SPAG9: variants seen among roughly 807,000 people sequenced by gnomAD.
SPAG9 encodes the protein C-Jun-amino-terminal kinase-interacting protein 4.
Under a neutral mutation model 166.5 loss-of-function variants are expected in SPAG9, and 35 were observed. That is an observed-to-expected ratio of 0.21 (90% CI 0.16 to 0.28). The LOEUF is 0.28. Ranked by LOEUF, SPAG9 falls within the 10% of genes least tolerant of loss-of-function variation. The pLI, the probability that SPAG9 is intolerant of heterozygous loss-of-function variation, is 1.00. For synonymous variants in SPAG9, 534 were observed against 565.5 expected (o/e 0.94, Z 0.79); for missense variants, 1,235 against 1,603.3 (o/e 0.77, Z 3.92).
intron 2 of SPAG9, among the ~76,000 whole-genome samples, chr17:51,070,203 A>C (rs1294225942): frequency 6.6e-6 from 1 of 152,220 alleles, no homozygotes; most frequent in Non-Finnish European, 1.5e-5. Context: ...CAATGGCTCT[A>C]TACTCAGGGA....
At chr17:51,084,083 C>T (rs2048242941) in intron 1 of SPAG9, 1 of 152,030 alleles carries the variant, frequency 6.6e-6, no homozygotes, top group African/African-American at 2.4e-5. Flanking sequence ...ATAAATCATT[C>T]ATTCATTCAA....
chr17:50,986,066 T>C (rs560667300), intron 22 of SPAG9, among the ~76,000 whole-genome samples: 1 of 152,362 alleles, frequency 6.6e-6, no homozygotes, highest in African/African-American at 2.4e-5. Context: ...CAAAACTCTT[T>C]TTTTGAATTG....
intron 6 of SPAG9, among the ~76,000 whole-genome samples, chr17:51,022,659 T>TAAC (rs1555642868): frequency 3.3e-5 from 5 of 150,830 alleles, no homozygotes; most frequent in South Asian, 4.2e-4. Context: ...ATAATAATAA[T>TAAC]AACAATAGGC....
chr17:50,979,817 C>T lies in SPAG9; in HGVS notation c.3338G>A (p.Arg1113His), dbSNP rs1283423662. 8 of 1,614,058 alleles carry T rather than the reference C, an allele frequency of 5.0e-6. No homozygotes were observed. The highest frequency in any genetic ancestry group is 1.7e-5 in the Admixed American group (1 of 59,998). ...WVSIRLDSTL[R>H]LYHAHTYQHL... ...TTGATAAGTGTGTGCATGATAGAGACGGAGCGTAGAATCCAAGCGAATGGA... is the reference window on the plus strand; with the variant it reads ...TTGATAAGTGTGTGCATGATAGAGATGGAGCGTAGAATCCAAGCGAATGGA... Residue 1113 changes from arginine (R) to histidine (H), a missense_variant, in exon 26 of 30, where the codon CGT becomes CAT. Around this residue, in one of 6 missense-constraint regions of SPAG9, gnomAD observed 243 missense variants for 358.6 expected, o/e 0.68. Transcript: ENST00000262013.
intron 1 of SPAG9, among the ~76,000 whole-genome samples, chr17:51,098,515 G>A (rs937501562): frequency 4.0e-5 from 6 of 151,880 alleles, no homozygotes; most frequent in Admixed American, 6.6e-5. Flanking sequence ...TATTTGAGAC[G>A]GAGTTTCGCT....
chr17:51,096,038 G>GATATATATATAGTGAT (rs2048635885), intron 1 of SPAG9, among the ~76,000 whole-genome samples: 3 of 92,632 alleles, frequency 3.2e-5, no homozygotes, highest in African/African-American at 1.2e-4. Context: ...TATATATAGT[G>GATATATATATAGTGAT]ATATATATAT....
At chr17:50,976,620 T>C (rs1974226779) in intron 27 of SPAG9, 2 of 153,388 alleles carry the variant, frequency 1.3e-5, no homozygotes, top group Non-Finnish European at 1.5e-5. Context: ...ACACGAGGTA[T>C]ATTTTATTCA....
chr17:50,979,924 G>T lies in SPAG9; in HGVS notation c.3238-7C>A. 1 of 1,606,206 alleles carries T rather than the reference G, an allele frequency of 6.2e-7. No individual in the cohort carries two copies. On this transcript the variant is annotated splice_polypyrimidine_tract_variant and splice_region_variant and intron_variant, in intron 25 of 29. Coordinates refer to ENST00000262013, the MANE Select transcript of SPAG9 (RefSeq NM_001130528.3). ...GATGTGCATCAAAAGATTTCTAGGA[G>T]AGATTGTCCAATCACAAAGTTACTT...
At chr17:50,996,460 G>A in intron 16 of SPAG9, 105 bp downstream of exon 16, 6 of 1,330,858 alleles carry the variant, frequency 4.5e-6, no homozygotes, top group Non-Finnish European at 6.3e-6. Flanking sequence ...CCATGCGGCT[G>A]AGATGAGCAG....
At chr17:51,037,691 T>TGTGTGG (rs2046668147) in intron 5 of SPAG9, among the ~76,000 whole-genome samples, 1 of 90,674 alleles carries the variant, frequency 1.1e-5, no homozygotes, top group African/African-American at 3.9e-5. Flanking sequence ...ATATAGTGTG[T>TGTGTGG]GTGTGTGTGT....
chr17:51,050,315 T>C (rs966151533), intron 3 of SPAG9, among the ~76,000 whole-genome samples: 2 of 152,228 alleles, frequency 1.3e-5, no homozygotes, highest in African/African-American at 2.4e-5. Flanking sequence ...AGCTATTATT[T>C]ATTGAGCACC....
chr17:51,076,967 C>CTCTA (rs1000888562), intron 2 of SPAG9, among the ~76,000 whole-genome samples: 1 of 147,384 alleles, frequency 6.8e-6, no homozygotes, highest in East Asian at 2.3e-4. Flanking sequence ...GAGATCTTGT[C>CTCTA]TCTATCTATC....
chr17:51,095,950 T>TG (rs2048616358), intron 1 of SPAG9, among the ~76,000 whole-genome samples: 2 of 114,524 alleles, frequency 1.7e-5, no homozygotes, highest in African/African-American at 5.3e-5. Context: ...TATAGTTATA[T>TG]ATATAGTGAT....
chr17:50,970,638 A>T, intron 29 of SPAG9, 69 bp downstream of exon 29: 2 of 1,350,672 alleles, frequency 1.5e-6, no homozygotes, highest in Non-Finnish European at 1.0e-6. Context: ...GTGGTTTCTT[A>T]TTTACTTTGG....
Position 51,120,763 on chromosome 17 carries a change from GC to G in SPAG9, c.-108del. The G allele has an allele frequency of 1.0e-6, 1 of 1,000,122 alleles. No homozygotes were observed. Among genetic ancestry groups the G allele is most frequent in the Non-Finnish European group, 1.4e-6 (1 of 721,164 alleles). 62.0% of individuals were successfully genotyped at this position (1,000,122 alleles called of 1,614,324 possible). ...GGCTGGGACGGGTACTAGGGCTGGAGCCCGGGCCGGGGCTGGGGCTGGGCCC... is the reference window on the plus strand; with the variant it reads ...GGCTGGGACGGGTACTAGGGCTGGAGCCGGGCCGGGGCTGGGGCTGGGCCC... On this transcript the variant is annotated 5_prime_UTR_variant, in exon 1 of 30. Coordinates refer to ENST00000262013, the MANE Select transcript of SPAG9 (RefSeq NM_001130528.3). The surrounding 1 kb of genome is among the most constrained non-coding windows in gnomAD (Gnocchi z 4.7).
At chr17:50,985,990 C>T (rs1181888915) in intron 22 of SPAG9, among the ~76,000 whole-genome samples, 2 of 152,214 alleles carry the variant, frequency 1.3e-5, no homozygotes, top group Non-Finnish European at 2.9e-5. Flanking sequence ...CAAAGAAAAA[C>T]ATATGAAGAC....
intron 6 of SPAG9, among the ~76,000 whole-genome samples, chr17:51,026,386 T>C (rs943735782): frequency 2.7e-5 from 4 of 149,658 alleles, no homozygotes; most frequent in Non-Finnish European, 4.4e-5. Context: ...AAAGGGACCA[T>C]GATACCTCAG....
In SPAG9 at chr17:50,993,909, T is replaced by C. The variant is rs762991448; in HGVS notation, c.2253A>G (p.Gln751=). ...TCCAAACTAGACTGGATAATTCTTCTTGATTTTTTAACTCCTTCTGCTGTT... is the reference window on the plus strand; with the variant it reads ...TCCAAACTAGACTGGATAATTCTTCCTGATTTTTTAACTCCTTCTGCTGTT... ...LKEQQKELKN[Q]EELSSLVWIC... is the part of the protein sequence containing the mutation. Residue 751 remains glutamine, a synonymous_variant, in exon 19 of 30, where the codon CAA becomes CAG. Coordinates refer to ENST00000262013, the MANE Select transcript of SPAG9 (RefSeq NM_001130528.3). 3.1e-6 allele frequency: 5 copies of C among 1,614,036 alleles called. No homozygotes were observed. The East Asian group carries it at 1.1e-4, about 36-fold the overall frequency.
At chr17:51,060,059 G>A (rs1219184751) in intron 2 of SPAG9, among the ~76,000 whole-genome samples, 1 of 151,990 alleles carries the variant, frequency 6.6e-6, no homozygotes, top group East Asian at 1.9e-4. Context: ...GGATCTGATT[G>A]TCAAGTCACA....
Sources: gnomAD v4.1 joint callset for allele counts (sites outside exome capture counted in the v4.1 genomes callset) on GRCh38, gnomAD v4.1.1 for gene constraint, gnomAD v4.1.1 regional missense constraint, Gnocchi (gnomAD v3.1) non-coding constraint, MANE v1.5 for transcripts, NCBI Gene and HGNC (gene_info 2026-07-23, HGNC 2026-07-21) for gene names.